The following GNG2 variants were observed in gnomAD, a reference collection of about 807,000 sequenced individuals.
The protein encoded by GNG2 is G protein subunit gamma 2, also known as guanine nucleotide-binding protein G(I)/G(S)/G(O) subunit gamma-2.
Under a neutral mutation model 5.5 loss-of-function variants are expected in GNG2, and 5 were observed. The ratio of observed to expected loss-of-function variants is 0.91; its 90% CI spans 0.48 to 1.92. The LOEUF (loss-of-function observed/expected upper bound fraction) is 1.92, where lower values mean the gene tolerates loss of function less well. GNG2 is among the 30% of genes most tolerant of loss of function. The pLI is 0.01. For synonymous variants in GNG2, 28 were observed against 32.0 expected, an observed-to-expected ratio of 0.88 and a Z score of 0.42; for missense variants, 55 against 88.4, an observed-to-expected ratio of 0.62 and a Z score of 1.52.
chr14:51,893,867 C>T (rs1885016725), intron 2 of GNG2, among the ~76,000 whole-genome samples: 1 of 152,124 alleles, frequency 6.6e-6, no homozygotes, highest in South Asian at 2.1e-4. Flanking sequence ...TGGAACACTA[C>T]TTTAGTCATA....
Position 51,967,075 on chromosome 14 carries a change from T to A in GNG2, c.*388T>A, listed in dbSNP as rs1889972837. ...GACCTTCTTGGAATGAATATTGTCT[T>A]TAGAATACCCTTTGATAAGCTGAGC... On this transcript the variant is annotated 3_prime_UTR_variant, in exon 4 of 4. Coordinates refer to ENST00000556766, the MANE Select transcript of GNG2 (RefSeq NM_053064.5). 1 of 156,364 alleles carries A rather than the reference T, an allele frequency of 6.4e-6. No individual in the cohort carries two copies. Among genetic ancestry groups the A allele is most frequent in the African/African-American group, 2.4e-5 (1 of 41,374 alleles). 9.7% of individuals were successfully genotyped at this position (156,364 alleles called of 1,614,324 possible).
chr14:51,899,710 C>T (rs138984518), intron 2 of GNG2, among the ~76,000 whole-genome samples: 100 of 152,334 alleles, frequency 6.6e-4, no homozygotes, highest in African/African-American at 2.4e-3. Context: ...CAGCATTCTG[C>T]TTTCTGTCTC....
intron 2 of GNG2, chr14:51,916,226 C>A: frequency 3.7e-6 from 1 of 267,220 alleles, no homozygotes; most frequent in Non-Finnish European, 7.3e-6. Context: ...AGTGTCTAAC[C>A]AGAGGCTAAT....
intron 2 of GNG2, among the ~76,000 whole-genome samples, chr14:51,833,430 A>T (rs1881249700): frequency 6.6e-6 from 1 of 152,174 alleles, no homozygotes; most frequent in Non-Finnish European, 1.5e-5. Flanking sequence ...AGTTCTTGGC[A>T]ACCCATTATC....
chr14:51,845,807 C>A (rs1481954651), intron 2 of GNG2, among the ~76,000 whole-genome samples: 1 of 152,136 alleles, frequency 6.6e-6, no homozygotes, highest in Non-Finnish European at 1.5e-5. Flanking sequence ...CTGCGTGCCA[C>A]CTATTGATCC....
intron 2 of GNG2, among the ~76,000 whole-genome samples, chr14:51,927,059 C>T (rs1488758312): frequency 6.6e-6 from 1 of 152,222 alleles, no homozygotes; most frequent in Non-Finnish European, 1.5e-5. Context: ...CTTCTTTACT[C>T]TGATCCCATT....
intron 2 of GNG2, among the ~76,000 whole-genome samples, chr14:51,920,389 A>G (rs1457107998): frequency 6.6e-6 from 1 of 151,052 alleles, no homozygotes; most frequent in African/African-American, 2.4e-5. Context: ...ACCTAATACA[A>G]TATAAGTAAA....
chr14:51,842,959 C>G (rs368174407), intron 2 of GNG2, among the ~76,000 whole-genome samples: 13 of 152,214 alleles, frequency 8.5e-5, no homozygotes, highest in Non-Finnish European at 1.5e-4. Flanking sequence ...GCCACCACGC[C>G]TGGCCTATTT....
chr14:51,942,589 C>T lies in GNG2; in HGVS notation c.-29-8061C>T, dbSNP rs202043104. ...ATTTTTTCTCTTTCTTTCTTTCTTTCTTTTTTTTTTTTTTTTTAGAGACAG... is the reference window on the plus strand; with the variant it reads ...ATTTTTTCTCTTTCTTTCTTTCTTTTTTTTTTTTTTTTTTTTTAGAGACAG... On this transcript the variant is annotated intron_variant, in intron 2 of 3. Transcript: ENST00000556766. Among the ~76,000 whole-genome samples, 48 of 81,122 alleles carry T rather than the reference C, an allele frequency of 5.9e-4. 2 individuals are homozygous for T. The highest frequency in any genetic ancestry group is 5.0e-3 in the East Asian group (16 of 3,178). 53.2% of individuals were successfully genotyped at this position (81,122 alleles called of 152,430 possible). A position where few individuals can be genotyped will look rare whatever the true frequency, so the allele number is the denominator to read the frequency against.
At chr14:51,932,095 A>G (rs1163394741) in intron 2 of GNG2, among the ~76,000 whole-genome samples, 1 of 151,772 alleles carries the variant, frequency 6.6e-6, no homozygotes, top group African/African-American at 2.4e-5. Context: ...AAAATAGAAA[A>G]AATTAGCTGG....
chr14:51,932,120 G>A (rs1011361788), intron 2 of GNG2, among the ~76,000 whole-genome samples: 3 of 151,650 alleles, frequency 2.0e-5, no homozygotes, highest in Non-Finnish European at 4.4e-5. Flanking sequence ...GGTAGCAGGC[G>A]CCTATAGTCC....
intron 1 of GNG2, among the ~76,000 whole-genome samples, chr14:51,868,122 T>C (rs866441723): frequency 6.6e-6 from 1 of 152,174 alleles, no homozygotes; most frequent in Non-Finnish European, 1.5e-5. Context: ...GAAATATAAT[T>C]ACAATAGAAT....
chr14:51,896,078 A>G (rs75367205), intron 2 of GNG2, among the ~76,000 whole-genome samples: 2 of 152,154 alleles, frequency 1.3e-5, no homozygotes, highest in African/African-American at 4.8e-5. Context: ...CTAACCCTAA[A>G]TAGTCAATGA....
chr14:51,872,310 TTG>T (rs35147124), intron 1 of GNG2, among the ~76,000 whole-genome samples: 45,817 of 149,630 alleles, frequency 0.31, 7,158 homozygotes, highest in Non-Finnish European at 0.36. Context: ...AATGACTATT[TTG>T]TGTGTGTGTG....
At chr14:51,929,773 A>G (rs1390665399) in intron 2 of GNG2, among the ~76,000 whole-genome samples, 1 of 152,180 alleles carries the variant, frequency 6.6e-6, no homozygotes, top group African/African-American at 2.4e-5. Flanking sequence ...GGTGGAACAC[A>G]CAAGGACAAT....
intron 2 of GNG2, among the ~76,000 whole-genome samples, chr14:51,886,474 C>T (rs1396452218): frequency 2.6e-5 from 4 of 152,140 alleles, no homozygotes; most frequent in African/African-American, 9.7e-5. Context: ...CATACTCAGC[C>T]CTCAGAAAAT....
Position 51,946,689 on chromosome 14 carries a change from G to A in GNG2, c.-29-3961G>A, listed in dbSNP as rs909120109. The stretch of plus-strand genomic sequence containing the variant: ...GCCCTACTCCCTCACCAGTTGATTC[G>A]ACTCTCTGGTGTCCTTCTTTTGCTC... On this transcript the variant is annotated intron_variant, in intron 2 of 3. Coordinates refer to ENST00000556766, the MANE Select transcript of GNG2 (RefSeq NM_053064.5). 7.2e-5 allele frequency among the ~76,000 whole-genome samples: 11 copies of A among 152,014 alleles called. No individual in the cohort carries two copies. The South Asian group carries it at 1.0e-3, about 14-fold the overall frequency.
At chr14:51,878,138 T>C (rs73292968) in intron 2 of GNG2, 2,107 of 155,546 alleles carry the variant, frequency 0.014, 58 homozygotes, top group African/African-American at 0.048. Flanking sequence ...GGGTTTCATC[T>C]TGAAGAAGCT....
chr14:51,847,636 G>C (rs73289374), intron 2 of GNG2, among the ~76,000 whole-genome samples: 1 of 152,164 alleles, frequency 6.6e-6, no homozygotes, highest in African/African-American at 2.4e-5. Context: ...AATCCTCAGT[G>C]GTGTAGAATC....
Sources: gnomAD v4.1 joint callset for allele counts (sites outside exome capture counted in the v4.1 genomes callset) on GRCh38, gnomAD v4.1.1 for gene constraint, MANE v1.5 for transcripts, NCBI Gene and HGNC (gene_info 2026-07-23, HGNC 2026-07-21) for gene names.